The following PTPN9 variants were observed in gnomAD, a reference collection of about 807,000 sequenced individuals.
The protein encoded by PTPN9 is tyrosine-protein phosphatase non-receptor type 9.
Under a neutral mutation model 69.8 loss-of-function variants are expected in PTPN9, and 26 were observed. The ratio of observed to expected loss-of-function variants is 0.37; its 90% CI spans 0.27 to 0.52. PTPN9 has a LOEUF of 0.52. PTPN9 is among the 20% of genes least tolerant of loss of function. PTPN9 has a pLI of 0.91. For missense variants in PTPN9, 549 were observed against 740.3 expected (o/e 0.74, Z 3.00); for synonymous variants, 274 against 272.5 (o/e 1.01, Z -0.05).
At position 75,469,857 on chromosome 15, in the gene PTPN9, C is replaced by T. The variant is rs747400123; in HGVS notation, c.1502G>A (p.Arg501His). 21 of 1,613,854 alleles carry T rather than the reference C, an allele frequency of 1.3e-5. No individual in the cohort carries two copies. Among genetic ancestry groups the T allele is most frequent in the Middle Eastern group, 1.7e-4 (1 of 5,862 alleles). Residue 501 changes from arginine to histidine, a missense_variant, in exon 12 of 13, where the codon CGC (arginine) becomes CAC (histidine). This residue lies in a region of PTPN9 where 457 missense variants were observed against 661.9 expected (regional missense o/e 0.69). Coordinates refer to ENST00000618819, the MANE Select transcript of PTPN9 (RefSeq NM_002833.4). ...TGGCTCAGGGCACTGCCCTTTGGAG[C>T]GTGCTCCCATGTTGCTCACAGCCAG... ...QSLAVSNMGA[R>H]SKGQCPEPPI...
In PTPN9 at chr15:75,466,674, C is replaced by T. The variant is rs2074537824; in HGVS notation, c.*2095G>A. The T allele has an allele frequency of 6.6e-6, 1 of 152,160 alleles. No homozygotes were observed. Among genetic ancestry groups the T allele is most frequent in the African/African-American group, 2.4e-5 (1 of 41,428 alleles). The allele number at this position is 152,160 out of a possible 1,614,324, so 9.4% of individuals were successfully genotyped here. A position where few individuals can be genotyped will look rare whatever the true frequency, so the allele number is the denominator to read the frequency against. On this transcript the variant is annotated 3_prime_UTR_variant, in exon 13 of 13. Transcript: ENST00000618819. ...TACTCTGAAAGGAGAGCTAAACAAA[C>T]CTCTGTTCTCCAAACACAAGATCTC...
intron 8 of PTPN9, chr15:75,480,698 C>T (rs1350043833): frequency 2.3e-6 from 3 of 1,304,732 alleles, no homozygotes; most frequent in Non-Finnish European, 3.0e-6. Flanking sequence ...CCGCAGCCAC[C>T]GCCGCCCCAC....
intron 1 of PTPN9, among the ~76,000 whole-genome samples, chr15:75,547,930 T>C (rs958277620): frequency 1.3e-5 from 2 of 152,024 alleles, no homozygotes; most frequent in Admixed American, 1.3e-4. Context: ...CCTCCCAAAG[T>C]GCTGGGATTA....
intron 11 of PTPN9, among the ~76,000 whole-genome samples, chr15:75,470,252 T>G (rs1269604080): frequency 6.6e-6 from 1 of 152,264 alleles, no homozygotes. Context: ...TTGCCCAGGT[T>G]GGAGTGCAGT....
intron 1 of PTPN9, among the ~76,000 whole-genome samples, chr15:75,574,196 G>A (rs1220455329): frequency 2.0e-5 from 3 of 150,954 alleles, no homozygotes; most frequent in East Asian, 3.9e-4. Context: ...GAGGCAGGAG[G>A]ACGGCTTGAA....
intron 8 of PTPN9, among the ~76,000 whole-genome samples, chr15:75,482,533 C>A (rs2074645571): frequency 7.1e-6 from 1 of 140,004 alleles, no homozygotes; most frequent in Non-Finnish European, 1.5e-5. Flanking sequence ...CCACTGCACT[C>A]CAGCCTGGGC....
chr15:75,576,065 A>C (rs2075171648), intron 1 of PTPN9, among the ~76,000 whole-genome samples: 1 of 150,398 alleles, frequency 6.6e-6, no homozygotes, highest in African/African-American at 2.5e-5. Flanking sequence ...CCCCGTCTCT[A>C]GTAAAAATAC....
At chr15:75,488,705 G>C (rs1053529732) in intron 8 of PTPN9, among the ~76,000 whole-genome samples, 9 of 152,078 alleles carry the variant, frequency 5.9e-5, no homozygotes, top group African/African-American at 2.2e-4. Flanking sequence ...GAGGTGGGAG[G>C]ATCGCTTGAG....
chr15:75,514,709 AAT>A (rs2074860870), intron 5 of PTPN9, among the ~76,000 whole-genome samples: 1 of 152,368 alleles, frequency 6.6e-6, no homozygotes, highest in South Asian at 2.1e-4. Context: ...GGATTAGAAT[AAT>A]ATATTAAAAA....
At chr15:75,532,579 C>T (rs1284227877) in intron 1 of PTPN9, among the ~76,000 whole-genome samples, 1 of 152,180 alleles carries the variant, frequency 6.6e-6, no homozygotes, top group Non-Finnish European at 1.5e-5. Flanking sequence ...CTTGAGCTGA[C>T]CTCTGTCCCC....
chr15:75,552,176 A>G (rs1459777899), intron 1 of PTPN9, among the ~76,000 whole-genome samples: 1 of 151,906 alleles, frequency 6.6e-6, no homozygotes, highest in Non-Finnish European at 1.5e-5. Context: ...AGGTGGGTGG[A>G]TCACCTGAGG....
At chr15:75,542,458 A>T (rs1205629795) in intron 1 of PTPN9, among the ~76,000 whole-genome samples, 1 of 152,220 alleles carries the variant, frequency 6.6e-6, no homozygotes, top group Non-Finnish European at 1.5e-5. Context: ...GAAGAAAAAA[A>T]GCTAACTGCT....
intron 10 of PTPN9, among the ~76,000 whole-genome samples, chr15:75,472,471 A>AAAATG (rs1393725710): frequency 1.7e-4 from 26 of 149,392 alleles, no homozygotes; most frequent in African/African-American, 6.4e-4. Flanking sequence ...AAAATAAAAT[A>AAAATG]AAATAAAATA....
intron 1 of PTPN9, among the ~76,000 whole-genome samples, chr15:75,536,228 G>C (rs1338209965): frequency 6.6e-6 from 1 of 152,190 alleles, no homozygotes; most frequent in East Asian, 1.9e-4. Flanking sequence ...AATATTTGCT[G>C]AGGGCCCATT....
intron 7 of PTPN9, among the ~76,000 whole-genome samples, chr15:75,494,477 C>G (rs560532144): frequency 6.6e-6 from 1 of 151,656 alleles, no homozygotes; most frequent in Non-Finnish European, 1.5e-5. Context: ...CTCAGCCTCC[C>G]GAGTAGCTGG....
chr15:75,533,240 G>C (rs931338898), intron 1 of PTPN9, among the ~76,000 whole-genome samples: 1 of 152,102 alleles, frequency 6.6e-6, no homozygotes, highest in African/African-American at 2.4e-5. Flanking sequence ...TCCTTAACCA[G>C]TTTTTCAGGT....
chr15:75,500,999 A>G (rs772969068), intron 7 of PTPN9, among the ~76,000 whole-genome samples: 9 of 152,112 alleles, frequency 5.9e-5, no homozygotes, highest in Non-Finnish European at 1.3e-4. Context: ...TATGAGAGAA[A>G]AGAATAATTT....
intron 1 of PTPN9, among the ~76,000 whole-genome samples, chr15:75,552,129 C>T (rs1177030754): frequency 4.0e-5 from 6 of 151,522 alleles, no homozygotes; most frequent in Non-Finnish European, 5.9e-5. Context: ...CCGGGCACGG[C>T]GGCTCACGTC....
chr15:75,513,251 T>C (rs1369236628), intron 5 of PTPN9: 1 of 455,676 alleles, frequency 2.2e-6, no homozygotes, highest in Admixed American at 2.4e-5. Flanking sequence ...AGAATGGTTT[T>C]TGATTTGCTG....
Sources: allele counts gnomAD v4.1 joint callset (sites outside exome capture counted in the v4.1 genomes callset), GRCh38; gene constraint gnomAD v4.1.1; regional missense constraint gnomAD v4.1.1; transcripts MANE v1.5; gene names NCBI Gene and HGNC (gene_info 2026-07-23, HGNC 2026-07-21).